Variants in TIAM2 observed in about 807,000 individuals in gnomAD.
The protein encoded by TIAM2 is TIAM Rac1 associated GEF 2, also known as rho guanine nucleotide exchange factor TIAM2.
TIAM2 carries 80 observed loss-of-function variants against 152.9 expected under a neutral mutation model. The ratio of observed to expected loss-of-function variants is 0.52; its 90% CI spans 0.44 to 0.63. The LOEUF (loss-of-function observed/expected upper bound fraction) is 0.63, where lower values mean the gene tolerates loss of function less well. TIAM2 is among the 30% of genes least tolerant of loss of function. The pLI is 0.00. For synonymous variants in TIAM2, 804 were observed against 838.0 expected (o/e 0.96, Z 0.70); for missense variants, 1,965 against 2,120.1 (o/e 0.93, Z 1.44).
chr6:155,203,067 AAAAGAG>A (rs1259452047), intron 14 of TIAM2, among the ~76,000 whole-genome samples: 1 of 150,774 alleles, frequency 6.6e-6, no homozygotes, highest in Non-Finnish European at 1.5e-5. Context: ...AAAAAAAAAA[AAAAGAG>A]AAAGATTTGC....
chr6:155,063,253 A>G (rs544761657), intron 1 of TIAM2, among the ~76,000 whole-genome samples: 16 of 152,280 alleles, frequency 1.1e-4, no homozygotes, highest in African/African-American at 3.4e-4. Context: ...GATACTTTAA[A>G]TACTTTATTT....
chr6:155,228,375 C>T (rs929044224), intron 15 of TIAM2, among the ~76,000 whole-genome samples: 4 of 152,012 alleles, frequency 2.6e-5, no homozygotes, highest in South Asian at 4.2e-4. Context: ...ATCTTTTTGG[C>T]GCTTTATTGT....
chr6:155,027,804 T>TATATATAATATATGTACTGTGATAC (rs1776641530), intron 1 of TIAM2, among the ~76,000 whole-genome samples: 1 of 96,362 alleles, frequency 1.0e-5, no homozygotes, highest in Non-Finnish European at 1.9e-5. Context: ...ACATATATAC[T>TATATATAATATATGTACTGTGATAC]ATATATAATA....
At chr6:155,128,719 G>A (rs113620147) in intron 3 of TIAM2, among the ~76,000 whole-genome samples, 1 of 150,816 alleles carries the variant, frequency 6.6e-6, no homozygotes, top group South Asian at 2.1e-4. Flanking sequence ...AAAACCCCGA[G>A]CTTGAGAGTG....
intron 7 of TIAM2, among the ~76,000 whole-genome samples, chr6:155,149,377 T>G (rs1349218801): frequency 6.6e-6 from 1 of 152,196 alleles, no homozygotes; most frequent in East Asian, 1.9e-4. Context: ...GAATGAGGAA[T>G]GGGATGAAGA....
At chr6:155,026,068 T>C (rs1776596114) in intron 1 of TIAM2, among the ~76,000 whole-genome samples, 1 of 152,114 alleles carries the variant, frequency 6.6e-6, no homozygotes, top group Non-Finnish European at 1.5e-5. Flanking sequence ...CAGCCAGAGC[T>C]CTGATAATGA....
At chr6:155,078,570 T>G (rs1484989919) in intron 1 of TIAM2, among the ~76,000 whole-genome samples, 1 of 152,196 alleles carries the variant, frequency 6.6e-6, no homozygotes, top group Non-Finnish European at 1.5e-5. Flanking sequence ...GTTCCTCACG[T>G]CCAACTCGGA....
chr6:155,181,539 T>C (rs575151456), intron 12 of TIAM2, among the ~76,000 whole-genome samples: 1 of 152,328 alleles, frequency 6.6e-6, no homozygotes. Context: ...GTTAAGTACA[T>C]TCACAATGTT....
chr6:155,216,876 C>T, intron 15 of TIAM2: 1 of 1,156,212 alleles, frequency 8.6e-7, no homozygotes, highest in Non-Finnish European at 1.1e-6. Context: ...CAGCTTCCCC[C>T]AATCACCGGT....
At chr6:155,007,389 C>T (rs1374246835) in intron 1 of TIAM2, among the ~76,000 whole-genome samples, 1 of 143,784 alleles carries the variant, frequency 7.0e-6, no homozygotes, top group African/African-American at 2.5e-5. Flanking sequence ...TTCTTTCTTT[C>T]TTTTTTTTTT....
At chr6:155,038,490 C>A (rs4484531) in intron 1 of TIAM2, among the ~76,000 whole-genome samples, 71,210 of 152,122 alleles carry the variant, frequency 0.47, 17,187 homozygotes, top group Non-Finnish European at 0.52. Flanking sequence ...GGTGCTGCGC[C>A]AAGCACTGTG....
chr6:155,245,672 TTAAACTG>T lies in TIAM2; in HGVS notation c.3596_3602del (p.Lys1199ThrfsTer65), dbSNP rs1270958351. ...TCTTTCCTTTATTACGCGGACCACT[TTAAACTG>T]TACAGTGGATTCTGTGCTAACCATA... On this transcript the variant is annotated frameshift_variant, in exon 19 of 27. Transcript: ENST00000682666. LOFTEE classifies it high-confidence loss of function. The T allele has an allele frequency of 6.2e-7, 1 of 1,614,028 alleles. No homozygotes were observed. Among genetic ancestry groups the T allele is most frequent in the Non-Finnish European group, 8.5e-7 (1 of 1,179,974 alleles).
intron 1 of TIAM2, among the ~76,000 whole-genome samples, chr6:155,023,557 C>T (rs926939620): frequency 6.6e-6 from 1 of 152,074 alleles, no homozygotes; most frequent in South Asian, 2.1e-4. Context: ...GGTTGGGTAG[C>T]AGCCTGGCCT....
intron 1 of TIAM2, among the ~76,000 whole-genome samples, chr6:155,019,342 A>G (rs1335572293): frequency 6.6e-6 from 1 of 152,148 alleles, no homozygotes; most frequent in Non-Finnish European, 1.5e-5. Flanking sequence ...TAAAAAAAAG[A>G]AAAGAAAAAA....
Position 155,136,805 on chromosome 6 carries a change from C to G in TIAM2, c.1195-372C>G, listed in dbSNP as rs374033653. Among the ~76,000 whole-genome samples the G allele has an allele frequency of 2.6e-5, 4 of 152,104 alleles. No homozygotes were observed. In the East Asian group the frequency reaches 7.7e-4, roughly 29 times the overall value. On this transcript the variant is annotated intron_variant, in intron 4 of 26. Transcript: ENST00000682666. ...AAAATAAATTGCAAGAATATGAATTCTTTCCTGGAAGATACTGATTCATGG... is the reference window on the plus strand; with the variant it reads ...AAAATAAATTGCAAGAATATGAATTGTTTCCTGGAAGATACTGATTCATGG...
At chr6:155,191,015 T>C (rs1026532774) in intron 14 of TIAM2, among the ~76,000 whole-genome samples, 1 of 152,252 alleles carries the variant, frequency 6.6e-6, no homozygotes, top group South Asian at 2.1e-4. Flanking sequence ...GGACCAAGTA[T>C]GAAAATCTTC....
At chr6:155,015,326 T>G (rs1428227324) in intron 1 of TIAM2, among the ~76,000 whole-genome samples, 1 of 152,150 alleles carries the variant, frequency 6.6e-6, no homozygotes, top group African/African-American at 2.4e-5. Flanking sequence ...ATTCTTCTGA[T>G]TTCTGAGGTG....
At chr6:154,996,347 A>G (rs964127799) in intron 1 of TIAM2, among the ~76,000 whole-genome samples, 4 of 152,052 alleles carry the variant, frequency 2.6e-5, no homozygotes, top group Admixed American at 2.0e-4. Flanking sequence ...TCCAAAGATA[A>G]TTTCATTCAG....
At chr6:155,155,520 G>C (rs972710914) in intron 7 of TIAM2, among the ~76,000 whole-genome samples, 3 of 152,166 alleles carry the variant, frequency 2.0e-5, no homozygotes, top group Non-Finnish European at 4.4e-5. Flanking sequence ...TGTCGCCCAG[G>C]CTGGAATGCA....
Sources: gnomAD v4.1 joint callset for allele counts (sites outside exome capture counted in the v4.1 genomes callset) on GRCh38, gnomAD v4.1.1 for gene constraint, MANE v1.5 for transcripts, NCBI Gene and HGNC (gene_info 2026-07-23, HGNC 2026-07-21) for gene names.